Variants in ARHGEF10L observed in about 807,000 individuals in gnomAD.
ARHGEF10L encodes rho guanine nucleotide exchange factor 10-like protein.
A neutral mutation model predicts 141.2 loss-of-function variants in ARHGEF10L; 69 were observed. The ratio of observed to expected loss-of-function variants is 0.49; its 90% CI spans 0.40 to 0.60. The LOEUF is 0.60. ARHGEF10L is among the 20% of genes least tolerant of loss of function. ARHGEF10L has a pLI of 0.00. For missense variants in ARHGEF10L, 1,482 were observed against 1,734.3 expected, an observed-to-expected ratio of 0.85 and a Z score of 2.58; for synonymous variants, 711 against 718.5, an observed-to-expected ratio of 0.99 and a Z score of 0.17.
chr1:17,603,831 G>A lies in ARHGEF10L; in HGVS notation c.433+240G>A, dbSNP rs1368619807. Among the ~76,000 whole-genome samples, 1 of 152,244 alleles carries A rather than the reference G, an allele frequency of 6.6e-6. No homozygotes were observed. Among genetic ancestry groups the A allele is most frequent in the Admixed American group, 6.5e-5 (1 of 15,286 alleles). Reference sequence around the variant, plus strand: ...GCCATGCTCCGGCTATGGGTCCCCGGGCAGGTAATCACCTTTCTAAGCCTT... The same window carrying A: ...GCCATGCTCCGGCTATGGGTCCCCGAGCAGGTAATCACCTTTCTAAGCCTT... On this transcript the variant is annotated intron_variant, in intron 6 of 28. Transcript: ENST00000361221. The surrounding 1 kb of genome is among the most constrained non-coding windows in gnomAD (Gnocchi z 4.8).
intron 1 of ARHGEF10L, among the ~76,000 whole-genome samples, chr1:17,552,477 C>T (rs1462083815): frequency 6.6e-6 from 1 of 150,988 alleles, no homozygotes; most frequent in Non-Finnish European, 1.5e-5. Context: ...TGGCTCACTG[C>T]AACCTCTGCT....
At chr1:17,665,305 A>G (rs964446545) in intron 26 of ARHGEF10L, among the ~76,000 whole-genome samples, 1 of 152,182 alleles carries the variant, frequency 6.6e-6, no homozygotes, top group African/African-American at 2.4e-5. Context: ...TCGCCTGCCT[A>G]GTTCTCTCTC....
intron 4 of ARHGEF10L, among the ~76,000 whole-genome samples, chr1:17,595,874 G>A (rs1458540971): frequency 2.6e-5 from 4 of 152,308 alleles, no homozygotes; most frequent in Admixed American, 1.3e-4. Context: ...TATGGAAACT[G>A]AGGCACGGAG....
At chr1:17,668,115 G>A (rs748035386) in intron 26 of ARHGEF10L, among the ~76,000 whole-genome samples, 6 of 152,308 alleles carry the variant, frequency 3.9e-5, no homozygotes, top group Admixed American at 6.5e-5. Flanking sequence ...CGAAAGGGCC[G>A]TTTCACACGG....
At chr1:17,538,081 AAG>A (rs2076606020), upstream of ARHGEF10L, among the ~76,000 whole-genome samples, 1 of 151,786 alleles carries the variant, frequency 6.6e-6, no homozygotes, top group African/African-American at 2.4e-5. Context: ...AAAACAAAGA[AAG>A]AAAAAAAACA....
At chr1:17,570,743 G>A (rs2077961269) in intron 1 of ARHGEF10L, among the ~76,000 whole-genome samples, 1 of 152,082 alleles carries the variant, frequency 6.6e-6, no homozygotes, top group South Asian at 2.1e-4. Flanking sequence ...GGTGAGAGAT[G>A]ATGGTGGTTT....
intron 23 of ARHGEF10L, 32 bp from the exon 24 acceptor site, chr1:17,655,847 A>G (rs2062208482): frequency 3.2e-6 from 5 of 1,543,542 alleles, no homozygotes; most frequent in Non-Finnish European, 4.4e-6. Flanking sequence ...TGTGGTTCCC[A>G]CCTGATGGCC....
intron 27 of ARHGEF10L, among the ~76,000 whole-genome samples, chr1:17,689,157 C>A (rs1486070899): frequency 6.6e-6 from 1 of 152,058 alleles, no homozygotes; most frequent in Non-Finnish European, 1.5e-5. Context: ...TCAGGCCGGA[C>A]TCAGTCCAGC....
rs929991923 is a variant in ARHGEF10L, at chr1:17,634,447, G to T, written c.1731-101G>T. 10 of 1,587,570 alleles carry T rather than the reference G, an allele frequency of 6.3e-6. No homozygotes were observed. In the African/African-American group the frequency reaches 9.4e-5, roughly 15 times the overall value. On this transcript the variant is annotated intron_variant, in intron 16 of 28. Coordinates refer to ENST00000361221, the MANE Select transcript of ARHGEF10L (RefSeq NM_018125.4). ...GGAGGCTGTCTCTCCTTCTATTCCC[G>T]ATGCCCAGCCCCATGGCTGGCCCCC...
chr1:17,640,111 G>C lies in ARHGEF10L; in HGVS notation c.2172-91G>C, dbSNP rs1228187910. On this transcript the variant is annotated intron_variant, in intron 20 of 28. Transcript: ENST00000361221. ...ACCAGACCTCCTTGATCTCCAGGGC[G>C]CGTGGGTTGGAGGAAGTACTACGTG... The C allele has an allele frequency of 7.3e-6, 11 of 1,513,084 alleles. No individual in the cohort carries two copies. The South Asian group carries it at 1.4e-4, about 19-fold the overall frequency. 93.7% of individuals were successfully genotyped at this position (1,513,084 alleles called of 1,614,324 possible).
chr1:17,657,980 G>A lies in ARHGEF10L; in HGVS notation c.2860+1272G>A, dbSNP rs1002928773. 5.3e-5 allele frequency among the ~76,000 whole-genome samples: 8 copies of A among 152,352 alleles called. No individual in the cohort carries two copies. The East Asian group carries it at 9.7e-4, about 18-fold the overall frequency. ...GGACCACAAATGGCAGACATGTAGC[G>A]TCGCATATCCTAGAGGCTGGAAGCC... On this transcript the variant is annotated intron_variant, in intron 25 of 28. Transcript: ENST00000361221.
At chr1:17,514,857 G>A in the ARHGEF10L span, among the ~76,000 whole-genome samples, 1 of 152,184 alleles carries the variant, frequency 6.6e-6, no homozygotes, top group Non-Finnish European at 1.5e-5. Context: ...GGCTGGAGGT[G>A]GGGGAGGAGG....
At chr1:17,600,308 AG>A (rs1461685932) in intron 4 of ARHGEF10L, among the ~76,000 whole-genome samples, 1 of 152,192 alleles carries the variant, frequency 6.6e-6, no homozygotes, top group Non-Finnish European at 1.5e-5. Context: ...GGTGCCAGGA[AG>A]GGAAGTTCAA....
At position 17,546,682 on chromosome 1, in the gene ARHGEF10L, T is replaced by C. The variant is rs532490279; in HGVS notation, c.-44+6732T>C. ...TCTCAGCACACTTTGCCTTTCTTAG[T>C]TCGGAGTTAATGTATGTTTTTTTAA... On this transcript the variant is annotated intron_variant, in intron 1 of 28. Transcript: ENST00000361221. Among the ~76,000 whole-genome samples the C allele has an allele frequency of 1.4e-3, 211 of 152,274 alleles. 2 individuals carry two copies. The highest frequency in any genetic ancestry group is 1.0e-3 in the Non-Finnish European group (71 of 68,028).
At chr1:17,686,986 A>G (rs898230403) in intron 26 of ARHGEF10L, among the ~76,000 whole-genome samples, 5 of 152,006 alleles carry the variant, frequency 3.3e-5, no homozygotes, top group Non-Finnish European at 5.9e-5. Flanking sequence ...CTCAGGACCC[A>G]AACTTGTTCA....
At chr1:17,610,566 C>T (rs1009201529) in intron 7 of ARHGEF10L, among the ~76,000 whole-genome samples, 8 of 152,226 alleles carry the variant, frequency 5.3e-5, no homozygotes, top group Admixed American at 2.6e-4. Flanking sequence ...AGGGACTCTA[C>T]TGAGCCTGCC....
chr1:17,689,962 T>A (rs556530317), intron 27 of ARHGEF10L: 1 of 405,686 alleles, frequency 2.5e-6, no homozygotes, highest in East Asian at 7.4e-5. Flanking sequence ...TTCACGCCCG[T>A]TGTCTTACTT....
intron 2 of ARHGEF10L, among the ~76,000 whole-genome samples, chr1:17,584,812 G>C (rs1485097275): frequency 2.0e-5 from 3 of 152,074 alleles, no homozygotes; most frequent in African/African-American, 7.2e-5. Context: ...AGTGGAGGGA[G>C]CAAGGGATGA....
intron 8 of ARHGEF10L, among the ~76,000 whole-genome samples, chr1:17,614,765 C>A (rs1434040698): frequency 6.6e-6 from 1 of 152,194 alleles, no homozygotes; most frequent in Non-Finnish European, 1.5e-5. Context: ...GGACTTCCTT[C>A]TTTTTCCCTG....
Sources: allele counts gnomAD v4.1 joint callset (sites outside exome capture counted in the v4.1 genomes callset), GRCh38; gene constraint gnomAD v4.1.1; non-coding constraint Gnocchi (gnomAD v3.1); transcripts MANE v1.5; gene names NCBI Gene and HGNC (gene_info 2026-07-23, HGNC 2026-07-21).